Variants in AKAP13 observed in about 807,000 individuals in gnomAD.
The protein encoded by AKAP13 is A-kinase anchor protein 13.
In AKAP13, 80 loss-of-function variants were observed where a neutral mutation model predicts 264.5. That is an observed-to-expected ratio of 0.30 (90% CI 0.25 to 0.36). AKAP13 has a LOEUF of 0.36. AKAP13 is among the 10% of genes least tolerant of loss of function. The pLI, the probability that AKAP13 is intolerant of heterozygous loss-of-function variation, is 1.00. For synonymous variants in AKAP13, 1,380 were observed against 1,250.2 expected, an observed-to-expected ratio of 1.10 and a Z score of -2.19; for missense variants, 3,712 against 3,435.2, an observed-to-expected ratio of 1.08 and a Z score of -2.01.
At chr15:85,628,928 C>T (rs1327227618) in intron 8 of AKAP13, among the ~76,000 whole-genome samples, 1 of 152,082 alleles carries the variant, frequency 6.6e-6, no homozygotes, top group Non-Finnish European at 1.5e-5. Context: ...CACAGTGGCT[C>T]GCGGCTGCAA....
At chr15:85,404,009 T>C (rs1309285052) in intron 1 of AKAP13, among the ~76,000 whole-genome samples, 1 of 152,178 alleles carries the variant, frequency 6.6e-6, no homozygotes, top group Non-Finnish European at 1.5e-5. Context: ...CCTGGAGCCA[T>C]AGTGATCTTT....
At chr15:85,720,942 A>C (rs544157022) in intron 23 of AKAP13, among the ~76,000 whole-genome samples, 1 of 152,362 alleles carries the variant, frequency 6.6e-6, no homozygotes, top group African/African-American at 2.4e-5. Context: ...CGGTAAATGA[A>C]CACAGATAGC....
chr15:85,577,712 G>T (rs2151303075), intron 6 of AKAP13: 1 of 740,530 alleles, frequency 1.4e-6, no homozygotes, highest in Admixed American at 6.3e-5. Flanking sequence ...CAGTATATAG[G>T]TATATGTTCT....
At chr15:85,628,812 T>G (rs1462356811) in intron 8 of AKAP13, among the ~76,000 whole-genome samples, 1 of 152,212 alleles carries the variant, frequency 6.6e-6, no homozygotes, top group Admixed American at 6.5e-5. Context: ...TAAATCTTTC[T>G]TGAAGATGTG....
At chr15:85,657,781 C>T (rs2083169038) in intron 11 of AKAP13, among the ~76,000 whole-genome samples, 1 of 150,426 alleles carries the variant, frequency 6.6e-6, no homozygotes, top group Non-Finnish European at 1.5e-5. Flanking sequence ...ATCCCTACAG[C>T]CAGAGCTTGA....
At chr15:85,486,179 C>G (rs752076319) in intron 2 of AKAP13, among the ~76,000 whole-genome samples, 1 of 152,154 alleles carries the variant, frequency 6.6e-6, no homozygotes, top group Non-Finnish European at 1.5e-5. Flanking sequence ...GGACTCATCT[C>G]CCTAAAGTGA....
intron 8 of AKAP13, among the ~76,000 whole-genome samples, chr15:85,611,892 T>C (rs958268942): frequency 2.0e-5 from 3 of 152,112 alleles, no homozygotes; most frequent in Non-Finnish European, 4.4e-5. Context: ...TCCACACATA[T>C]ACACCCTTTG....
intron 14 of AKAP13, among the ~76,000 whole-genome samples, chr15:85,673,577 CAT>C (rs1383800248): frequency 6.7e-6 from 1 of 150,288 alleles, no homozygotes; most frequent in Non-Finnish European, 1.5e-5. Context: ...TGCTGGGAAA[CAT>C]AGATGGTTTC....
intron 8 of AKAP13, among the ~76,000 whole-genome samples, chr15:85,628,115 C>T (rs1051359697): frequency 5.3e-5 from 8 of 152,174 alleles, no homozygotes; most frequent in African/African-American, 1.7e-4. Flanking sequence ...GGAGCTGTCT[C>T]ACTGAATCTG....
At chr15:85,464,608 TA>T (rs2074654196) in intron 1 of AKAP13, among the ~76,000 whole-genome samples, 1 of 152,222 alleles carries the variant, frequency 6.6e-6, no homozygotes, top group Non-Finnish European at 1.5e-5. Flanking sequence ...TTAGAACTGG[TA>T]GGTTCTTGTT....
chr15:85,614,258 C>T (rs1036903791), intron 8 of AKAP13, among the ~76,000 whole-genome samples: 1 of 152,052 alleles, frequency 6.6e-6, no homozygotes, highest in Non-Finnish European at 1.5e-5. Context: ...TGGTGAAGCA[C>T]GACGGCCATC....
At chr15:85,462,229 C>T (rs1466508886) in intron 1 of AKAP13, among the ~76,000 whole-genome samples, 1 of 152,094 alleles carries the variant, frequency 6.6e-6, no homozygotes, top group African/African-American at 2.4e-5. Context: ...ATGACTTGTC[C>T]CATCAATCAC....
intron 1 of AKAP13, among the ~76,000 whole-genome samples, chr15:85,445,493 G>A (rs375242163): frequency 6.6e-6 from 1 of 152,136 alleles, no homozygotes; most frequent in South Asian, 2.1e-4. Flanking sequence ...AGGATGTTTT[G>A]TTTCCTGAAA....
intron 19 of AKAP13, among the ~76,000 whole-genome samples, chr15:85,714,964 T>G (rs1282067146): frequency 6.6e-6 from 1 of 150,628 alleles, no homozygotes; most frequent in African/African-American, 2.5e-5. Context: ...AAGACTGCAT[T>G]TCAAAAAAAA....
chr15:85,425,715 CAAAA>C (rs35591622), intron 1 of AKAP13, among the ~76,000 whole-genome samples: 5 of 92,702 alleles, frequency 5.4e-5, no homozygotes, highest in Admixed American at 1.2e-4. Context: ...GACTCTGTCT[CAAAA>C]AAAAAAAAAA....
Position 85,607,462 on chromosome 15 carries a change from C to CT in AKAP13, c.4161+21648dup, listed in dbSNP as rs1014510813. On this transcript the variant is annotated intron_variant, in intron 8 of 36. Coordinates refer to ENST00000394518, the MANE Select transcript of AKAP13 (RefSeq NM_007200.5). ...ACATTAATTCATTTATTGCTCACAC[C>CT]TTTTTTTTTAACCATTTGCCTTTAT... Among the ~76,000 whole-genome samples the CT allele has an allele frequency of 2.0e-3, 295 of 151,262 alleles. 1 individual carries two copies. Among genetic ancestry groups the CT allele is most frequent in the Admixed American group, 2.9e-3 (44 of 15,156 alleles).
intron 9 of AKAP13, among the ~76,000 whole-genome samples, chr15:85,641,016 T>C (rs1017415220): frequency 2.0e-5 from 3 of 152,196 alleles, no homozygotes; most frequent in Non-Finnish European, 4.4e-5. Context: ...ATCAGAATTA[T>C]GCTACTGAGC....
At chr15:85,516,581 C>T (rs1010714233) in intron 2 of AKAP13, among the ~76,000 whole-genome samples, 5 of 152,156 alleles carry the variant, frequency 3.3e-5, no homozygotes, top group Non-Finnish European at 7.3e-5. Context: ...TCCATTCTTT[C>T]CGTAAGTGGT....
chr15:85,441,992 A>T (rs747335477), intron 1 of AKAP13, among the ~76,000 whole-genome samples: 1 of 152,148 alleles, frequency 6.6e-6, no homozygotes, highest in Non-Finnish European at 1.5e-5. Flanking sequence ...GTTCTGGTCA[A>T]TTTGGCTTTA....
Sources: gnomAD v4.1 joint callset for allele counts (sites outside exome capture counted in the v4.1 genomes callset) on GRCh38, gnomAD v4.1.1 for gene constraint, MANE v1.5 for transcripts, NCBI Gene and HGNC (gene_info 2026-07-23, HGNC 2026-07-21) for gene names.